NUS1: variants seen among roughly 807,000 people sequenced by gnomAD.
NUS1 encodes the protein dehydrodolichyl diphosphate synthase complex subunit NUS1.
For synonymous variants in NUS1, 135 were observed against 155.2 expected (o/e 0.87, Z 0.97); for missense variants, 292 against 382.9 (o/e 0.76, Z 1.98).
At chr6:117,681,043 T>G (rs746384065) in intron 1 of NUS1, among the ~76,000 whole-genome samples, 4 of 152,214 alleles carry the variant, frequency 2.6e-5, no homozygotes, top group Admixed American at 6.5e-5. Flanking sequence ...ATGTTCCAGT[T>G]TCCTGGAACT....
chr6:117,697,630 C>T (rs1303612472), intron 3 of NUS1, among the ~76,000 whole-genome samples: 7 of 151,542 alleles, frequency 4.6e-5, no homozygotes, highest in African/African-American at 1.2e-4. Flanking sequence ...ACATATGCAC[C>T]CAACATTGGA....
At chr6:117,689,429 C>T (rs369480124) in intron 1 of NUS1, among the ~76,000 whole-genome samples, 14 of 152,148 alleles carry the variant, frequency 9.2e-5, no homozygotes, top group African/African-American at 3.4e-4. Flanking sequence ...CTAGTATTAC[C>T]CGACACTATT....
chr6:117,678,615 T>C (rs1354843953), intron 1 of NUS1, among the ~76,000 whole-genome samples: 1 of 151,942 alleles, frequency 6.6e-6, no homozygotes, highest in East Asian at 1.9e-4. Context: ...CATGTGGATA[T>C]GTAAGAATCA....
At chr6:117,679,419 A>T (rs1035151041) in intron 1 of NUS1, among the ~76,000 whole-genome samples, 2 of 152,194 alleles carry the variant, frequency 1.3e-5, no homozygotes, top group African/African-American at 4.8e-5. Flanking sequence ...TGTAATGAAC[A>T]GTTGGGAAAT....
In NUS1 at chr6:117,686,430, A is replaced by G. The variant is rs191321818; in HGVS notation, c.416-6612A>G. 5.3e-5 allele frequency among the ~76,000 whole-genome samples: 8 copies of G among 152,300 alleles called. No homozygotes were observed. In the East Asian group the frequency reaches 1.4e-3, roughly 26 times the overall value. Reference sequence around the variant, plus strand: ...GAGTTAGAAATAGTAACTGAACTGAATAATTTGAGGGATACCTGGATTTCA... The same window carrying G: ...GAGTTAGAAATAGTAACTGAACTGAGTAATTTGAGGGATACCTGGATTTCA... On this transcript the variant is annotated intron_variant, in intron 1 of 4. Transcript: ENST00000368494.
chr6:117,695,951 G>T (rs1773312425), intron 3 of NUS1, among the ~76,000 whole-genome samples: 1 of 152,032 alleles, frequency 6.6e-6, no homozygotes, highest in Non-Finnish European at 1.5e-5. Context: ...GCATTCATCG[G>T]TTAATGCACA....
chr6:117,703,726 G>C, intron 4 of NUS1, 22 bp downstream of exon 4: 1 of 1,537,374 alleles, frequency 6.5e-7, no homozygotes, highest in Non-Finnish European at 9.0e-7. Context: ...AAAGCGTACT[G>C]ACTTTGTTTA....
intron 3 of NUS1, among the ~76,000 whole-genome samples, chr6:117,695,202 AAAAAAAAAAAAAAAAAAAAG>A (rs1399155785): frequency 6.7e-6 from 1 of 150,192 alleles, no homozygotes; most frequent in African/African-American, 2.4e-5. Flanking sequence ...TCAAAAAAAA[AAAAAAAAAAAAAAAAAAAAG>A]AAAAAGAAAT....
At chr6:117,677,291 G>A (rs1163619979) in intron 1 of NUS1, among the ~76,000 whole-genome samples, 2 of 152,180 alleles carry the variant, frequency 1.3e-5, no homozygotes, top group Non-Finnish European at 1.5e-5. Context: ...TGAGAAGAGA[G>A]GAGAGAAATT....
At chr6:117,688,547 T>C (rs1773172692) in intron 1 of NUS1, among the ~76,000 whole-genome samples, 1 of 152,148 alleles carries the variant, frequency 6.6e-6, no homozygotes, top group African/African-American at 2.4e-5. Flanking sequence ...CTCATTTTGC[T>C]TGTCCTCTTC....
At chr6:117,705,025 G>A (rs752271704) in intron 4 of NUS1, among the ~76,000 whole-genome samples, 2 of 152,082 alleles carry the variant, frequency 1.3e-5, no homozygotes, top group Non-Finnish European at 2.9e-5. Flanking sequence ...TGTATGAAGG[G>A]GTCTTTTAAG....
rs926247518 is a variant in NUS1 at position 117,710,680 on chromosome 6, T to C, written c.*3665T>C. 2 of 152,204 alleles carry C rather than the reference T, an allele frequency of 1.3e-5. No individual in the cohort carries two copies. The highest frequency in any genetic ancestry group is 4.8e-5 in the African/African-American group (2 of 41,468). The allele number at this position is 152,204 out of a possible 1,614,324, so 9.4% of individuals were successfully genotyped here. A position where few individuals can be genotyped will look rare whatever the true frequency, so the allele number is the denominator to read the frequency against. ...TTCTCTTTTGTATTTGATTATTGTG[T>C]CTGGATATAAATTACAATAGCACAT... On this transcript the variant is annotated 3_prime_UTR_variant, in exon 5 of 5. Transcript: ENST00000368494.
At chr6:117,705,855 A>G (rs904223539) in intron 4 of NUS1, among the ~76,000 whole-genome samples, 2 of 152,204 alleles carry the variant, frequency 1.3e-5, no homozygotes, top group African/African-American at 4.8e-5. Flanking sequence ...GGTGTGAATA[A>G]GACTTAAGGT....
At chr6:117,696,761 CA>C (rs1773327029) in intron 3 of NUS1, among the ~76,000 whole-genome samples, 1 of 152,044 alleles carries the variant, frequency 6.6e-6, no homozygotes, top group Non-Finnish European at 1.5e-5. Flanking sequence ...ACTTTCCCTG[CA>C]AGAAATGCTA....
intron 1 of NUS1, among the ~76,000 whole-genome samples, chr6:117,681,240 T>G (rs1369845205): frequency 6.6e-6 from 1 of 150,608 alleles, no homozygotes. Context: ...ACTTCTGTTC[T>G]CTGCTTTGTG....
chr6:117,689,821 C>CT (rs1394425101), intron 1 of NUS1, among the ~76,000 whole-genome samples: 1 of 152,144 alleles, frequency 6.6e-6, no homozygotes, highest in Non-Finnish European at 1.5e-5. Context: ...CTGCCTTGGC[C>CT]TCCCAAAGTG....
intron 1 of NUS1, among the ~76,000 whole-genome samples, chr6:117,679,031 A>ATTTC (rs1242385466): frequency 6.6e-6 from 1 of 152,212 alleles, no homozygotes; most frequent in African/African-American, 2.4e-5. Flanking sequence ...TTCTAGATAG[A>ATTTC]TATTTAACTA....
chr6:117,692,920 T>G lies in NUS1; in HGVS notation c.416-122T>G, dbSNP rs1309979497. ...CTTTTAGATTCTAGTTTAGGACTAG[T>G]CATTACAGCTTTGTTTGACATTCGT... On this transcript the variant is annotated intron_variant, in intron 1 of 4. Coordinates refer to ENST00000368494, the MANE Select transcript of NUS1 (RefSeq NM_138459.5). 29 of 758,172 alleles carry G rather than the reference T, an allele frequency of 3.8e-5. No individual in the cohort carries two copies. The Admixed American group carries it at 7.9e-4, about 21-fold the overall frequency. 47.0% of individuals were successfully genotyped at this position (758,172 alleles called of 1,614,324 possible). A position where few individuals can be genotyped will look rare whatever the true frequency, so the allele number is the denominator to read the frequency against.
At chr6:117,694,975 G>A (rs1407412563) in intron 3 of NUS1, among the ~76,000 whole-genome samples, 11 of 151,878 alleles carry the variant, frequency 7.2e-5, no homozygotes, top group African/African-American at 2.4e-4. Context: ...CAGGTGGATC[G>A]CTTGAGCGCA....
Sources: allele counts gnomAD v4.1 joint callset (sites outside exome capture counted in the v4.1 genomes callset), GRCh38; gene constraint gnomAD v4.1.1; transcripts MANE v1.5; gene names NCBI Gene and HGNC (gene_info 2026-07-23, HGNC 2026-07-21).